Variants in PDE6A observed in about 807,000 individuals in gnomAD.
The protein encoded by PDE6A is phosphodiesterase 6A.
In PDE6A, 84 loss-of-function variants were observed where a neutral mutation model predicts 106.3. The ratio of observed to expected loss-of-function variants is 0.79; its 90% CI spans 0.66 to 0.95. The LOEUF is 0.95. Among genes scored for constraint, PDE6A ranks in the 40% least tolerant of loss-of-function variants. The pLI is 0.00. For synonymous variants in PDE6A, 394 were observed against 386.6 expected, an observed-to-expected ratio of 1.02 and a Z score of -0.23; for missense variants, 1,052 against 1,084.9, an observed-to-expected ratio of 0.97 and a Z score of 0.43.
At chr5:149,909,560 T>C (rs933349035) in intron 6 of PDE6A, among the ~76,000 whole-genome samples, 4 of 152,232 alleles carry the variant, frequency 2.6e-5, no homozygotes, top group African/African-American at 9.6e-5. Context: ...TTTGTCCCTC[T>C]GTAAATAAAC....
rs1352323647 is a variant in PDE6A at position 149,875,482 on chromosome 5, TG to T, written c.2136-7325del. ...CTAATTTATAGCACATTATACATACTGACTATTTTTTTTTTTTTTTTTGAGT... is the reference window on the plus strand; with the variant it reads ...CTAATTTATAGCACATTATACATACTACTATTTTTTTTTTTTTTTTTGAGT... On this transcript the variant is annotated intron_variant, in intron 17 of 21. Transcript: ENST00000255266. Among the ~76,000 whole-genome samples, 93 of 146,822 alleles carry T rather than the reference TG, an allele frequency of 6.3e-4. 2 individuals carry two copies. The highest frequency in any genetic ancestry group is 1.8e-3 in the Admixed American group (27 of 15,022).
intron 13 of PDE6A, among the ~76,000 whole-genome samples, chr5:149,893,429 G>A (rs1752618585): frequency 6.6e-6 from 1 of 152,170 alleles, no homozygotes. Flanking sequence ...CCATCATGAA[G>A]GAAACCGTAC....
intron 18 of PDE6A, 107 bp downstream of exon 18, chr5:149,867,988 G>A (rs1338652639): frequency 8.3e-7 from 1 of 1,201,352 alleles, no homozygotes; most frequent in Non-Finnish European, 1.2e-6. Flanking sequence ...AGGAGGATGG[G>A]ACACAGGTGA....
intron 1 of PDE6A, among the ~76,000 whole-genome samples, chr5:149,935,505 T>G (rs1754155879): frequency 6.6e-6 from 1 of 152,174 alleles, no homozygotes; most frequent in Non-Finnish European, 1.5e-5. Flanking sequence ...ACGGGGGATA[T>G]GGGTGACCAA....
At chr5:149,940,976 A>G (rs1193279908) in intron 1 of PDE6A, among the ~76,000 whole-genome samples, 1 of 152,208 alleles carries the variant, frequency 6.6e-6, no homozygotes, top group East Asian at 1.9e-4. Context: ...TCCAGAGGTA[A>G]AATGAGCACA....
intron 1 of PDE6A, among the ~76,000 whole-genome samples, chr5:149,935,085 A>AG: frequency 6.6e-6 from 1 of 152,348 alleles, no homozygotes; most frequent in East Asian, 1.9e-4. Context: ...TAAAGACTTT[A>AG]GGAAGTACAA....
intron 13 of PDE6A, among the ~76,000 whole-genome samples, chr5:149,887,225 T>C (rs1473591735): frequency 6.6e-6 from 1 of 152,124 alleles, no homozygotes; most frequent in Non-Finnish European, 1.5e-5. Context: ...AGTCCAACAA[T>C]AGAACACTAT....
At chr5:149,877,345 A>T (rs1760778850) in intron 17 of PDE6A, among the ~76,000 whole-genome samples, 1 of 152,138 alleles carries the variant, frequency 6.6e-6, no homozygotes, top group Non-Finnish European at 1.5e-5. Context: ...TGGGAGGCCG[A>T]GGTGTAAGAA....
In PDE6A at chr5:149,860,970, T is replaced by A. The variant is rs893912674; in HGVS notation, c.2508A>T (p.Ala836=). ...TTCCCCCCGGCTGATTTCCTGCGGC[T>A]GCTGCAATGAAACAGGAAAAAGAAC... ...KKQKQQSAKS[A]AAGNQPGGNP... is the part of the protein sequence containing the mutation. The change falls in exon 22 of 22, where the codon GCA becomes GCT. Residue 836 remains alanine, a splice_region_variant and synonymous_variant. Coordinates refer to ENST00000255266, the MANE Select transcript of PDE6A (RefSeq NM_000440.3). 10 of 1,613,998 alleles carry A rather than the reference T, an allele frequency of 6.2e-6. No homozygotes were observed. The Admixed American group carries it at 1.5e-4, about 24-fold the overall frequency.
intron 7 of PDE6A, among the ~76,000 whole-genome samples, chr5:149,906,538 A>T (rs1158702095): frequency 2.7e-5 from 4 of 147,098 alleles, no homozygotes; most frequent in Non-Finnish European, 4.5e-5. Context: ...AAAAAAAAAA[A>T]TCCCACCTTT....
At chr5:149,905,464 T>G (rs1204584005) in intron 7 of PDE6A, among the ~76,000 whole-genome samples, 1 of 152,218 alleles carries the variant, frequency 6.6e-6, no homozygotes, top group Non-Finnish European at 1.5e-5. Flanking sequence ...TGTCTGAAAC[T>G]GACCTTGTCA....
Position 149,944,406 on chromosome 5 carries a change from G to T in PDE6A, c.268C>A (p.Gln90Lys), listed in dbSNP as rs748256570. 2 of 1,614,038 alleles carry T rather than the reference G, an allele frequency of 1.2e-6. No homozygotes were observed. The highest frequency in any genetic ancestry group is 2.2e-5 in the South Asian group (2 of 91,082). ...ATGAACAGGCTCATGCGGTCTGCCT[G>T]CAGGAGGAAGCACAGCTTCTTCATG... ...NVMKKLCFLL[Q>K]ADRMSLFMYR... The change falls in exon 1 of 22, where the codon CAG becomes AAG. Residue 90 changes from glutamine to lysine, a missense_variant. Transcript: ENST00000255266.
intron 5 of PDE6A, among the ~76,000 whole-genome samples, chr5:149,918,787 T>G (rs1753626139): frequency 6.6e-6 from 1 of 151,794 alleles, no homozygotes; most frequent in African/African-American, 2.4e-5. Flanking sequence ...ACTTTTCTTT[T>G]TTTCTTTTTT....
intron 6 of PDE6A, 64 bp from the exon 7 acceptor site, chr5:149,907,442 T>G: frequency 7.3e-7 from 1 of 1,367,412 alleles, no homozygotes; most frequent in Non-Finnish European, 1.0e-6. Flanking sequence ...AAGACTAAAA[T>G]CTGGGTGTTT....
chr5:149,866,192 AAGTC>A lies in PDE6A; in HGVS notation c.2332_2335del (p.Asp778LeufsTer42), dbSNP rs754012367. ...TACCTTGTAGACGAAGGTGCAAACA[AAGTC>A]AATGAAGCCGACTTGAAGCTTAGGG... On this transcript the variant is annotated frameshift_variant, in exon 20 of 22. Coordinates refer to ENST00000255266, the MANE Select transcript of PDE6A (RefSeq NM_000440.3). LOFTEE classifies it high-confidence loss of function. 53 of 1,613,986 alleles carry A rather than the reference AAGTC, an allele frequency of 3.3e-5. No individual in the cohort carries two copies. Among genetic ancestry groups the A allele is most frequent in the Non-Finnish European group, 4.2e-5 (50 of 1,179,940 alleles).
In PDE6A at chr5:149,863,620, CTCTTT is replaced by C. The variant is rs111765797; in HGVS notation, c.2359-359_2359-355del. Among the ~76,000 whole-genome samples the C allele has an allele frequency of 0.039, 5,976 of 152,068 alleles. 373 individuals are homozygous for C. The highest frequency in any genetic ancestry group is 0.13 in the African/African-American group (5,553 of 41,430). ...CATTCTGTGAGCCTCACACAAGCTGCTCTTTTCTTTTTTTTTTCTTTCCAAGACAG... is the reference window on the plus strand; with the variant it reads ...CATTCTGTGAGCCTCACACAAGCTGCTCTTTTTTTTTTCTTTCCAAGACAG... On this transcript the variant is annotated intron_variant, in intron 20 of 21. Transcript: ENST00000255266. This position sits in a 1 kb window ranked among gnomAD's most constrained non-coding sequence, Gnocchi z 4.7.
chr5:149,936,280 T>C (rs1448782341), intron 1 of PDE6A, among the ~76,000 whole-genome samples: 2 of 152,202 alleles, frequency 1.3e-5, no homozygotes, highest in Non-Finnish European at 2.9e-5. Flanking sequence ...ACAGCATTAT[T>C]ATCAGTGAAG....
At position 149,863,015 on chromosome 5, in the gene PDE6A, G is replaced by C; in HGVS notation, c.2506+104C>G. On this transcript the variant is annotated intron_variant, in intron 21 of 21. Transcript: ENST00000255266. This position sits in a 1 kb window ranked among gnomAD's most constrained non-coding sequence, Gnocchi z 4.7. ...GAATGGGGACAGTATTGGCCATCAGGAGGCCTGAATGAGACTCCGTGTAAG... is the reference window on the plus strand; with the variant it reads ...GAATGGGGACAGTATTGGCCATCAGCAGGCCTGAATGAGACTCCGTGTAAG... 1 of 1,383,816 alleles carries C rather than the reference G, an allele frequency of 7.2e-7. No homozygotes were observed. Among genetic ancestry groups the C allele is most frequent in the East Asian group, 2.3e-5 (1 of 43,702 alleles). The allele number at this position is 1,383,816 out of a possible 1,614,324, so 85.7% of individuals were successfully genotyped here. A position where few individuals can be genotyped will look rare whatever the true frequency, so the allele number is the denominator to read the frequency against.
At chr5:149,930,838 G>A (rs997285260) in intron 4 of PDE6A, among the ~76,000 whole-genome samples, 190 bp downstream of exon 4, 1 of 151,948 alleles carries the variant, frequency 6.6e-6, no homozygotes, top group African/African-American at 2.4e-5. Context: ...TCACTCACCT[G>A]TGCCCTAGAT....
Sources: allele counts gnomAD v4.1 joint callset (sites outside exome capture counted in the v4.1 genomes callset), GRCh38; gene constraint gnomAD v4.1.1; non-coding constraint Gnocchi (gnomAD v3.1); transcripts MANE v1.5; gene names NCBI Gene and HGNC (gene_info 2026-07-23, HGNC 2026-07-21).